The following PLXDC2 variants were observed in gnomAD, a reference collection of about 807,000 sequenced individuals.
PLXDC2 encodes plexin domain containing 2, also known as plexin domain-containing protein 2.
A neutral mutation model predicts 68.9 loss-of-function variants in PLXDC2; 40 were observed. The ratio of observed to expected loss-of-function variants is 0.58; its 90% CI spans 0.45 to 0.76. The LOEUF (loss-of-function observed/expected upper bound fraction) is 0.76. PLXDC2 is among the 30% of genes least tolerant of loss of function. PLXDC2 has a pLI of 0.00. For missense variants in PLXDC2, 644 were observed against 661.9 expected, an observed-to-expected ratio of 0.97 and a Z score of 0.30; for synonymous variants, 243 against 234.2, an observed-to-expected ratio of 1.04 and a Z score of -0.34.
chr10:19,825,886 A>G (rs1836560552), intron 1 of PLXDC2, among the ~76,000 whole-genome samples: 1 of 152,186 alleles, frequency 6.6e-6, no homozygotes, highest in Non-Finnish European at 1.5e-5. Context: ...TCTGGTCAAA[A>G]GGGCCCACTC....
At chr10:20,154,944 C>G (rs1834199008) in intron 6 of PLXDC2, among the ~76,000 whole-genome samples, 1 of 152,144 alleles carries the variant, frequency 6.6e-6, no homozygotes, top group South Asian at 2.1e-4. Flanking sequence ...CTGTTCTATC[C>G]ATTTTCTTGG....
chr10:20,138,319 A>G (rs1477792777), intron 4 of PLXDC2, among the ~76,000 whole-genome samples: 1 of 152,164 alleles, frequency 6.6e-6, no homozygotes, highest in Non-Finnish European at 1.5e-5. Flanking sequence ...GGCAATTTTA[A>G]CTTGTTTATG....
chr10:20,253,031 A>G (rs192789137), intron 13 of PLXDC2, among the ~76,000 whole-genome samples: 74 of 152,148 alleles, frequency 4.9e-4, no homozygotes, highest in African/African-American at 1.7e-3. Context: ...AAAAAATTAA[A>G]TAAAGTAAAT....
rs376344275 is a variant in PLXDC2 at position 19,821,551 on chromosome 10, T to C, written c.112+4360T>C. Among the ~76,000 whole-genome samples the C allele has an allele frequency of 2.6e-5, 4 of 152,364 alleles. No individual in the cohort carries two copies. The East Asian group carries it at 7.7e-4, about 29-fold the overall frequency. On this transcript the variant is annotated intron_variant, in intron 1 of 13. Transcript: ENST00000377252. ...CCTGAGGTCAGGGTCTGTTGTCATT[T>C]ATTTCTGAATCTGCTGTGGCAACAA...
chr10:20,072,146 G>A (rs1836328131), intron 4 of PLXDC2, among the ~76,000 whole-genome samples: 1 of 151,646 alleles, frequency 6.6e-6, no homozygotes, highest in Non-Finnish European at 1.5e-5. Flanking sequence ...CCAGAGTTTG[G>A]ATCGCCTGAG....
intron 1 of PLXDC2, among the ~76,000 whole-genome samples, chr10:19,994,759 G>T (rs71491170): frequency 0.22 from 33,607 of 150,558 alleles, 4,617 homozygotes; most frequent in Non-Finnish European, 0.32. Context: ...TTTTTTGTGT[G>T]TGTGACAGAG....
chr10:20,173,832 GGT>G (rs1344197054), intron 7 of PLXDC2, among the ~76,000 whole-genome samples: 1 of 152,140 alleles, frequency 6.6e-6, no homozygotes, highest in East Asian at 1.9e-4. Context: ...TTCTGACAGA[GGT>G]ATCTCTGAAA....
intron 1 of PLXDC2, among the ~76,000 whole-genome samples, chr10:19,878,894 G>A (rs10508600): frequency 0.27 from 40,448 of 152,032 alleles, 6,049 homozygotes; most frequent in Middle Eastern, 0.41. Flanking sequence ...TTGATTTTCA[G>A]CAGTAAACTT....
rs1395486932 is a variant in PLXDC2 at position 20,217,459 on chromosome 10, G to C, written c.1156G>C (p.Val386Leu). 3.7e-6 allele frequency: 6 copies of C among 1,612,740 alleles called. No homozygotes were observed. Among genetic ancestry groups the C allele is most frequent in the Non-Finnish European group, 5.1e-6 (6 of 1,179,236 alleles). ...GAAGATGTGTGAGAATACAGAACCA[G>C]TGGAAACTTCTTCTCGAACCACCAC... is the stretch of plus-strand genomic sequence containing the variant. ...KEKMCENTEP[V>L]ETSSRTTTTV... The change falls in exon 11 of 14, where the codon GTG becomes CTG. Residue 386 changes from valine to leucine, a missense_variant. By Grantham distance (32) the Val-to-Leu change is conservative. This residue lies in a region of PLXDC2 where 330 missense variants were observed against 327.9 expected (regional missense o/e 1.01). Transcript: ENST00000377252.
chr10:19,866,283 C>G (rs1368220973), intron 1 of PLXDC2, among the ~76,000 whole-genome samples: 1 of 152,172 alleles, frequency 6.6e-6, no homozygotes, highest in African/African-American at 2.4e-5. Flanking sequence ...TGCTGTATTC[C>G]TTCTGGAAGC....
chr10:20,179,733 C>T (rs1834576363), intron 9 of PLXDC2, among the ~76,000 whole-genome samples: 2 of 152,084 alleles, frequency 1.3e-5, no homozygotes, highest in Non-Finnish European at 1.5e-5. Context: ...TCTGCTTCTA[C>T]TGTTAATACT....
Position 20,209,730 on chromosome 10 carries a change from A to C in PLXDC2, c.1062-1939A>C, listed in dbSNP as rs546182565. On this transcript the variant is annotated intron_variant, in intron 9 of 13. Transcript: ENST00000377252. ...TATTGTTCAAACACACATGCTCTAC[A>C]ATTTGTGCAGTTAATGCAGTCATCA... Among the ~76,000 whole-genome samples, 138 of 152,152 alleles carry C rather than the reference A, an allele frequency of 9.1e-4. No homozygotes were observed. The Middle Eastern group carries it at 0.048, about 53-fold the overall frequency.
chr10:20,052,264 G>A (rs1835916968), intron 3 of PLXDC2, among the ~76,000 whole-genome samples: 2 of 152,000 alleles, frequency 1.3e-5, no homozygotes, highest in Non-Finnish European at 2.9e-5. Context: ...ATTAGCCTGA[G>A]CTTTCCAAAT....
At chr10:20,232,843 T>C (rs1835383247) in intron 12 of PLXDC2, among the ~76,000 whole-genome samples, 1 of 152,154 alleles carries the variant, frequency 6.6e-6, no homozygotes, top group African/African-American at 2.4e-5. Context: ...ATTTGGCAAA[T>C]TGTACATTTA....
intron 1 of PLXDC2, among the ~76,000 whole-genome samples, chr10:19,986,548 C>A (rs6482074): frequency 1 from 148,463 of 149,194 alleles, 73,868 homozygotes; most frequent in South Asian, 1. Context: ...AAAAAAAAAA[C>A]AAAGAAAAAG....
intron 4 of PLXDC2, among the ~76,000 whole-genome samples, chr10:20,069,822 C>A (rs567470729): frequency 1.6e-4 from 25 of 152,064 alleles, no homozygotes; most frequent in Non-Finnish European, 3.4e-4. Flanking sequence ...CAGAGCAAGA[C>A]CCTGTCTCTA....
At chr10:20,240,616 A>G (rs1835501661) in intron 12 of PLXDC2, among the ~76,000 whole-genome samples, 2 of 151,250 alleles carry the variant, frequency 1.3e-5, no homozygotes, top group African/African-American at 4.9e-5. Flanking sequence ...AGCCGTCATA[A>G]TACCTGCTAA....
intron 12 of PLXDC2, among the ~76,000 whole-genome samples, chr10:20,245,121 T>TA (rs1326185788): frequency 2.6e-5 from 4 of 152,050 alleles, no homozygotes; most frequent in Non-Finnish European, 4.4e-5. Context: ...TTTCAAAAAA[T>TA]AAAAATAAAA....
At chr10:19,862,887 T>C (rs1837342679) in intron 1 of PLXDC2, among the ~76,000 whole-genome samples, 1 of 152,186 alleles carries the variant, frequency 6.6e-6, no homozygotes, top group African/African-American at 2.4e-5. Flanking sequence ...AGGTGAGTTC[T>C]GTGGGGCTGC....
Sources: allele counts gnomAD v4.1 joint callset (sites outside exome capture counted in the v4.1 genomes callset), GRCh38; gene constraint gnomAD v4.1.1; regional missense constraint gnomAD v4.1.1; transcripts MANE v1.5; gene names NCBI Gene and HGNC (gene_info 2026-07-23, HGNC 2026-07-21).